Variants in PARP15 observed in about 807,000 individuals in gnomAD.
PARP15 encodes the protein protein mono-ADP-ribosyltransferase PARP15.
Under a neutral mutation model 62.1 loss-of-function variants are expected in PARP15, and 50 were observed. The observed-to-expected ratio is 0.81, with a 90% confidence interval of 0.64 to 1.02. The LOEUF is 1.02. Ranked by LOEUF, PARP15 falls within the 50% of genes least tolerant of loss-of-function variation. The probability of loss-of-function intolerance (pLI) is 0.00; values close to 1 mark genes in which losing one functional copy is unlikely to be tolerated. For missense variants in PARP15, 820 were observed against 826.5 expected (o/e 0.99, Z 0.10); for synonymous variants, 309 against 293.1 (o/e 1.05, Z -0.55).
intron 1 of PARP15, among the ~76,000 whole-genome samples, chr3:122,593,794 A>G (rs1934133636): frequency 6.6e-6 from 1 of 152,182 alleles, no homozygotes; most frequent in Non-Finnish European, 1.5e-5. Context: ...ATATATTTAC[A>G]TTTATAGAAA....
At chr3:122,598,501 T>C (rs1251420894) in intron 1 of PARP15, among the ~76,000 whole-genome samples, 3 of 151,060 alleles carry the variant, frequency 2.0e-5, no homozygotes, top group African/African-American at 4.9e-5. Context: ...GGCCTCTCCA[T>C]AGGGCTGTTC....
chr3:122,590,997 G>T (rs1010455365), intron 1 of PARP15, among the ~76,000 whole-genome samples: 1 of 152,180 alleles, frequency 6.6e-6, no homozygotes, highest in African/African-American at 2.4e-5. Context: ...GATTTGGTGA[G>T]TAAATCTGAC....
intron 1 of PARP15, among the ~76,000 whole-genome samples, chr3:122,589,011 GA>G: frequency 6.6e-6 from 1 of 152,274 alleles, no homozygotes; most frequent in South Asian, 2.1e-4. Flanking sequence ...ACTTTTTGAT[GA>G]TTGTGAATAA....
chr3:122,607,302 T>G (rs552032240), intron 2 of PARP15, among the ~76,000 whole-genome samples: 2,461 of 152,264 alleles, frequency 0.016, 65 homozygotes, highest in African/African-American at 0.053. Flanking sequence ...TTCACTCTAG[T>G]TATAGGCATA....
chr3:122,619,735 A>G (rs1209322875), intron 6 of PARP15, 46 bp from the exon 7 acceptor site: 1 of 1,471,696 alleles, frequency 6.8e-7, no homozygotes, highest in Non-Finnish European at 9.5e-7. Context: ...ATAACCACTT[A>G]TTGAATTCTA....
chr3:122,602,469 C>G (rs1383760410), intron 1 of PARP15, among the ~76,000 whole-genome samples: 1 of 152,210 alleles, frequency 6.6e-6, no homozygotes, highest in African/African-American at 2.4e-5. Flanking sequence ...TTCCTCTTCT[C>G]TATCTTCATC....
intron 1 of PARP15, among the ~76,000 whole-genome samples, chr3:122,605,219 G>A (rs967305680): frequency 6.6e-6 from 1 of 152,110 alleles, no homozygotes; most frequent in Non-Finnish European, 1.5e-5. Flanking sequence ...GGGGGATTGT[G>A]GAGGGGGGTT....
chr3:122,610,756 C>T (rs373195498), intron 3 of PARP15, 26 bp downstream of exon 3: 11 of 1,468,796 alleles, frequency 7.5e-6, no homozygotes, highest in African/African-American at 5.7e-5. Flanking sequence ...AGTTCTCCAA[C>T]GTATTGGGTG....
chr3:122,617,640 G>A (rs918147538), intron 6 of PARP15, among the ~76,000 whole-genome samples: 2 of 151,892 alleles, frequency 1.3e-5, no homozygotes, highest in African/African-American at 2.4e-5. Context: ...TTTATTTTCC[G>A]TGACATGTTT....
chr3:122,631,631 C>G (rs1559998890), intron 9 of PARP15, among the ~76,000 whole-genome samples: 1 of 152,152 alleles, frequency 6.6e-6, no homozygotes, highest in Non-Finnish European at 1.5e-5. Context: ...GGTGCTTTCT[C>G]TACTTGGTGT....
intron 1 of PARP15, among the ~76,000 whole-genome samples, chr3:122,582,521 G>C (rs908167727): frequency 2.0e-5 from 3 of 152,126 alleles, no homozygotes; most frequent in Non-Finnish European, 4.4e-5. Context: ...TTGCTCTACT[G>C]TTTTCTAGCT....
In PARP15 at chr3:122,635,301, C is replaced by G. The variant is rs927536051; in HGVS notation, c.1747+107C>G. On this transcript the variant is annotated intron_variant, in intron 11 of 11. Transcript: ENST00000464300. ...TGGTGGGCAGCTGTATTATCACTGTCAGAATAGAGCTCACTGTGTTTCACT... is the reference window on the plus strand; with the variant it reads ...TGGTGGGCAGCTGTATTATCACTGTGAGAATAGAGCTCACTGTGTTTCACT... The G allele has an allele frequency of 4.2e-6, 4 of 957,000 alleles. No individual in the cohort carries two copies. In the African/African-American group the frequency reaches 6.7e-5, roughly 16 times the overall value. 59.3% of individuals were successfully genotyped at this position (957,000 alleles called of 1,614,324 possible). A position where few individuals can be genotyped will look rare whatever the true frequency, so the allele number is the denominator to read the frequency against.
chr3:122,615,955 A>T, intron 5 of PARP15, 98 bp downstream of exon 5: 5 of 1,192,524 alleles, frequency 4.2e-6, no homozygotes, highest in Non-Finnish European at 6.1e-6. Flanking sequence ...GCTAATTCAC[A>T]TGAAGAACAA....
At chr3:122,631,291 G>A (rs1937049068) in intron 9 of PARP15, among the ~76,000 whole-genome samples, 1 of 152,246 alleles carries the variant, frequency 6.6e-6, no homozygotes, top group Non-Finnish European at 1.5e-5. Flanking sequence ...AGGGTTAGAT[G>A]CCTCCCTGTG....
intron 2 of PARP15, among the ~76,000 whole-genome samples, chr3:122,606,904 G>A (rs553816422): frequency 1.3e-5 from 2 of 152,282 alleles, no homozygotes; most frequent in East Asian, 3.9e-4. Flanking sequence ...CTGAGAAATT[G>A]GGAGACTCTT....
At chr3:122,590,917 T>C (rs1933859965) in intron 1 of PARP15, among the ~76,000 whole-genome samples, 1 of 152,228 alleles carries the variant, frequency 6.6e-6, no homozygotes, top group Admixed American at 6.5e-5. Flanking sequence ...TAAAATGTTG[T>C]AGCTCTATTA....
chr3:122,609,710 T>A (rs111718074), intron 2 of PARP15, among the ~76,000 whole-genome samples: 2,157 of 131,110 alleles, frequency 0.016, 53 homozygotes, highest in African/African-American at 0.077. Context: ...AAAAAAAAAA[T>A]TAAAAAAAAA....
chr3:122,638,116 A>G lies in PARP15; in HGVS notation c.*2016A>G, dbSNP rs1227431771. ...TTTCCAGCTTCATCCATGTCCCTAC[A>G]AAGGACATGAACTCATCATTTTTTA... is the stretch of plus-strand genomic sequence containing the variant. On this transcript the variant is annotated 3_prime_UTR_variant, in exon 12 of 12. Coordinates refer to ENST00000464300, the MANE Select transcript of PARP15 (RefSeq NM_001113523.3). 1 of 152,158 alleles carries G rather than the reference A, an allele frequency of 6.6e-6. No individual in the cohort carries two copies. The highest frequency in any genetic ancestry group is 1.5e-5 in the Non-Finnish European group (1 of 68,032). The allele number at this position is 152,158 out of a possible 1,614,324, so 9.4% of individuals were successfully genotyped here. A position where few individuals can be genotyped will look rare whatever the true frequency, so the allele number is the denominator to read the frequency against.
At chr3:122,586,243 A>G (rs757447266) in intron 1 of PARP15, among the ~76,000 whole-genome samples, 16 of 149,466 alleles carry the variant, frequency 1.1e-4, no homozygotes, top group East Asian at 3.9e-4. Context: ...TTTTTTTCCT[A>G]TCACCTCTGT....
Sources: gnomAD v4.1 joint callset for allele counts (sites outside exome capture counted in the v4.1 genomes callset) on GRCh38, gnomAD v4.1.1 for gene constraint, MANE v1.5 for transcripts, NCBI Gene and HGNC (gene_info 2026-07-23, HGNC 2026-07-21) for gene names.